Variants in TRIM14 observed in about 807,000 individuals in gnomAD.
TRIM14 encodes tripartite motif-containing protein 14.
TRIM14 carries 28 observed loss-of-function variants against 44.5 expected under a neutral mutation model. The ratio of observed to expected loss-of-function variants is 0.63; its 90% CI spans 0.47 to 0.86. The LOEUF (loss-of-function observed/expected upper bound fraction) is 0.86. Ranked by LOEUF, TRIM14 falls within the 40% of genes least tolerant of loss-of-function variation. The probability of loss-of-function intolerance (pLI) is 0.00; values close to 1 mark genes in which losing one functional copy is unlikely to be tolerated. For synonymous variants in TRIM14, 299 were observed against 269.2 expected, an observed-to-expected ratio of 1.11 and a Z score of -1.08; for missense variants, 607 against 611.1, an observed-to-expected ratio of 0.99 and a Z score of 0.07.
intron 1 of TRIM14, chr9:98,115,834 C>T (rs956454197): frequency 6.6e-6 from 1 of 152,134 alleles, no homozygotes; most frequent in African/African-American, 2.4e-5. Context: ...GATCAGACTG[C>T]TTTCAGGAAC....
the TRIM14 span, among the ~76,000 whole-genome samples, chr9:98,050,200 T>A: frequency 1.3e-5 from 2 of 152,232 alleles, no homozygotes; most frequent in Admixed American, 1.3e-4. Flanking sequence ...TTGTAGTTCA[T>A]GATGTACAGA....
At chr9:98,088,385 C>G (rs1359766136) in intron 5 of TRIM14, among the ~76,000 whole-genome samples, 2 of 151,828 alleles carry the variant, frequency 1.3e-5, no homozygotes, top group South Asian at 4.2e-4. Flanking sequence ...AACGGAGTCT[C>G]GCTCTGTTGC....
chr9:98,037,756 G>A, the TRIM14 span, among the ~76,000 whole-genome samples: 1 of 152,140 alleles, frequency 6.6e-6, no homozygotes, highest in Non-Finnish European at 1.5e-5. Flanking sequence ...AAACTCCAGA[G>A]GGTCTAATCT....
intron 6 of TRIM14, chr9:98,078,257 C>T (rs1452377871): frequency 3.1e-6 from 5 of 1,613,940 alleles, no homozygotes; most frequent in East Asian, 4.5e-5. Flanking sequence ...TTTATCAGAT[C>T]GTGAAGCCCC....
chr9:98,118,941 C>T (rs945920565), intron 1 of TRIM14, 41 bp downstream of exon 1: 1 of 1,462,476 alleles, frequency 6.8e-7, no homozygotes, highest in African/African-American at 1.5e-5. Context: ...GGCTGGCTCC[C>T]CCAACTCCCG....
At chr9:98,098,433 C>T (rs932078710) in intron 3 of TRIM14, among the ~76,000 whole-genome samples, 5 of 152,104 alleles carry the variant, frequency 3.3e-5, no homozygotes, top group East Asian at 1.9e-4. Context: ...CACCATCGGC[C>T]GGGTGCGGTG....
At chr9:98,099,813 G>T in intron 3 of TRIM14, 118 bp downstream of exon 3, 1 of 852,186 alleles carries the variant, frequency 1.2e-6, no homozygotes. Flanking sequence ...TCTACATGGT[G>T]ACAAGACAAT....
At chr9:98,114,621 C>T (rs114317294) in intron 1 of TRIM14, among the ~76,000 whole-genome samples, 3,188 of 152,140 alleles carry the variant, frequency 0.021, 121 homozygotes, top group African/African-American at 0.072. Flanking sequence ...CGCACCCAGC[C>T]GACAATTTTT....
the TRIM14 span, among the ~76,000 whole-genome samples, chr9:98,057,230 C>T: frequency 5.3e-5 from 8 of 152,250 alleles, no homozygotes; most frequent in Non-Finnish European, 1.2e-4. Flanking sequence ...TCCCCCCTGC[C>T]TGGCACCTTC....
chr9:98,068,217 C>T (rs770463689), downstream of TRIM14, among the ~76,000 whole-genome samples: 7 of 152,302 alleles, frequency 4.6e-5, no homozygotes, highest in Non-Finnish European at 1.0e-4. Context: ...TCACTACAAC[C>T]TCCAACTCCC....
In TRIM14 at chr9:98,086,992, C is replaced by T. The variant is rs1825796556; in HGVS notation, c.*478G>A. Reference sequence around the variant, plus strand: ...TCTGGAGGGAGCTGTGATGTGGACACGCTGAAATCGGTGGGGAGGAAGCGG... The same window carrying T: ...TCTGGAGGGAGCTGTGATGTGGACATGCTGAAATCGGTGGGGAGGAAGCGG... On this transcript the variant is annotated 3_prime_UTR_variant, in exon 6 of 6. Coordinates refer to ENST00000341469, the MANE Select transcript of TRIM14 (RefSeq NM_014788.4). 7.3e-6 allele frequency: 2 copies of T among 274,858 alleles called. No homozygotes were observed. Among genetic ancestry groups the T allele is most frequent in the Admixed American group, 4.9e-5 (1 of 20,298 alleles). 17.0% of individuals were successfully genotyped at this position (274,858 alleles called of 1,614,324 possible).
chr9:98,109,316 A>C (rs1048531136), intron 2 of TRIM14, among the ~76,000 whole-genome samples: 19 of 152,196 alleles, frequency 1.2e-4, no homozygotes, highest in African/African-American at 4.6e-4. Flanking sequence ...GCAACGGAGG[A>C]TGCAAGGGGA....
downstream of TRIM14, chr9:98,081,000 T>A: frequency 6.2e-7 from 1 of 1,614,158 alleles, no homozygotes; most frequent in Non-Finnish European, 8.5e-7. Context: ...GCCGAGCTGG[T>A]GCGGTCAGTG....
chr9:98,101,399 T>G (rs1826384816), intron 2 of TRIM14, among the ~76,000 whole-genome samples: 1 of 152,170 alleles, frequency 6.6e-6, no homozygotes, highest in South Asian at 2.1e-4. Flanking sequence ...TACTTCGCTT[T>G]TAGAGGACAA....
chr9:98,066,243 G>A (rs1375154228), downstream of TRIM14, among the ~76,000 whole-genome samples: 1 of 152,166 alleles, frequency 6.6e-6, no homozygotes, highest in African/African-American at 2.4e-5. Context: ...TCCAAAGTGT[G>A]GTTCAGGAAC....
At chr9:98,082,914 C>T (rs199607636), downstream of TRIM14, 20 of 1,614,056 alleles carry the variant, frequency 1.2e-5, no homozygotes, top group Middle Eastern at 1.6e-4. Flanking sequence ...ACATGCTCAC[C>T]GTGAAGGTGG....
the TRIM14 span, among the ~76,000 whole-genome samples, chr9:98,060,103 T>G: frequency 3.9e-5 from 6 of 152,260 alleles, no homozygotes; most frequent in Non-Finnish European, 7.3e-5. Context: ...TTTTCTTTAC[T>G]AAATTCTGGT....
intron 5 of TRIM14, among the ~76,000 whole-genome samples, chr9:98,090,473 A>G (rs761476631): frequency 6.6e-6 from 1 of 151,674 alleles, no homozygotes; most frequent in Non-Finnish European, 1.5e-5. Flanking sequence ...GGAAATTTCC[A>G]TTTCTTGATC....
intron 2 of TRIM14, among the ~76,000 whole-genome samples, chr9:98,101,290 G>A (rs1826380453): frequency 6.6e-6 from 1 of 152,048 alleles, no homozygotes; most frequent in South Asian, 2.1e-4. Flanking sequence ...AATAGTTTTT[G>A]ATCATTAGAT....
Sources: gnomAD v4.1 joint callset for allele counts (sites outside exome capture counted in the v4.1 genomes callset) on GRCh38, gnomAD v4.1.1 for gene constraint, MANE v1.5 for transcripts, NCBI Gene and HGNC (gene_info 2026-07-23, HGNC 2026-07-21) for gene names.